TMEM145: variants seen among roughly 807,000 people sequenced by gnomAD.
TMEM145 encodes the protein transmembrane protein 145.
In TMEM145, 46 loss-of-function variants were observed where a neutral mutation model predicts 68.5. The observed-to-expected ratio is 0.67, with a 90% CI of 0.53 to 0.86. The LOEUF is 0.86. Ranked by LOEUF, TMEM145 falls within the 40% of genes least tolerant of loss-of-function variation. The probability of loss-of-function intolerance (pLI) is 0.00; values close to 1 mark genes in which losing one functional copy is unlikely to be tolerated. For missense variants in TMEM145, 570 were observed against 645.8 expected (o/e 0.88, Z 1.27); for synonymous variants, 255 against 280.2 (o/e 0.91, Z 0.90).
intron 12 of TMEM145, 132 bp downstream of exon 12, chr19:42,318,013 G>A (rs748287184): frequency 1.1e-5 from 11 of 990,898 alleles, no homozygotes; most frequent in South Asian, 1.6e-5. Context: ...CCCAGAATCT[G>A]CCACTTACTC....
chr19:42,316,903 G>A lies in TMEM145; in HGVS notation c.840G>A (p.Leu280=), dbSNP rs1472050204. 5.0e-6 allele frequency: 8 copies of A among 1,613,786 alleles called. No individual in the cohort carries two copies. The highest frequency in any genetic ancestry group is 6.8e-6 in the Non-Finnish European group (8 of 1,179,972). The part of the protein sequence containing the change: ...GRISHAGSVK[L]SVYMTLYTLT... Reference sequence around the variant, plus strand: ...TCAGCCACGCGGGCTCCGTGAAGTTGTCTGTCTACATGACCCTGTACACGC... The same window carrying A: ...TCAGCCACGCGGGCTCCGTGAAGTTATCTGTCTACATGACCCTGTACACGC... Residue 280 remains leucine (L), a synonymous_variant, in exon 11 of 15, where the codon TTG becomes TTA. Transcript: ENST00000301204.
intron 11 of TMEM145, 58 bp downstream of exon 11, chr19:42,317,021 C>T: frequency 6.8e-7 from 1 of 1,465,216 alleles, no homozygotes; most frequent in South Asian, 1.2e-5. Flanking sequence ...GCGCCGCCTC[C>T]CCCTTGACCT....
intron 14 of TMEM145, 146 bp from the exon 15 acceptor site, chr19:42,324,591 T>C: frequency 7.4e-7 from 1 of 1,352,368 alleles, no homozygotes; most frequent in African/African-American, 1.6e-5. Context: ...GGACCCCTGC[T>C]TTATCCCGGC....
Position 42,324,905 on chromosome 19 carries a change from G to T in TMEM145, c.*88G>T, listed in dbSNP as rs1226261351. On this transcript the variant is annotated 3_prime_UTR_variant, in exon 15 of 15. Coordinates refer to ENST00000301204, the MANE Select transcript of TMEM145 (RefSeq NM_173633.3). ...TCTGCGACCCCGGGATGGATATTGCGATGCTGGTCTCGACCCTGAAACCCT... is the reference window on the plus strand; with the variant it reads ...TCTGCGACCCCGGGATGGATATTGCTATGCTGGTCTCGACCCTGAAACCCT... The T allele has an allele frequency of 2.9e-6, 4 of 1,366,016 alleles. No individual in the cohort carries two copies. Among genetic ancestry groups the T allele is most frequent in the East Asian group, 3.0e-5 (1 of 33,466 alleles). The allele number at this position is 1,366,016 out of a possible 1,614,324, so 84.6% of individuals were successfully genotyped here. A position where few individuals can be genotyped will look rare whatever the true frequency, so the allele number is the denominator to read the frequency against.
chr19:42,317,072 C>T, intron 11 of TMEM145, 109 bp downstream of exon 11: 7 of 880,984 alleles, frequency 7.9e-6, no homozygotes, highest in Non-Finnish European at 1.3e-5. Context: ...TGCTGGCTCG[C>T]TCTCTCTCCC....
chr19:42,314,153 T>C, intron 1 of TMEM145, 119 bp from the exon 2 acceptor site: 2 of 1,001,342 alleles, frequency 2.0e-6, no homozygotes, highest in Admixed American at 3.5e-5. Context: ...GGTGACCTGG[T>C]CTCCTTCTAG....
intron 13 of TMEM145, among the ~76,000 whole-genome samples, chr19:42,322,514 C>T (rs149568549): frequency 1.5e-4 from 23 of 152,248 alleles, no homozygotes; most frequent in African/African-American, 4.8e-4. Flanking sequence ...ACAGCTCCAC[C>T]TGGGTATCTC....
intron 14 of TMEM145, 86 bp downstream of exon 14, chr19:42,323,875 C>T: frequency 8.1e-7 from 1 of 1,241,708 alleles, no homozygotes. Flanking sequence ...CCGCCGCCCC[C>T]AGCGCCCGGA....
chr19:42,320,753 G>A (rs965527796), intron 13 of TMEM145, among the ~76,000 whole-genome samples: 2 of 151,742 alleles, frequency 1.3e-5, no homozygotes, highest in East Asian at 1.9e-4. Flanking sequence ...TCAGCCTCCC[G>A]AGTAGCTGGG....
In TMEM145 at chr19:42,320,889, A is replaced by G. The variant is rs2038904887; in HGVS notation, c.1194+452A>G. On this transcript the variant is annotated intron_variant, in intron 13 of 14. Coordinates refer to ENST00000301204, the MANE Select transcript of TMEM145 (RefSeq NM_173633.3). ...GGTGATCCACCCGTCTCAGCCTCCC[A>G]AAGTGCTGGGATTACAGGCATGGGC... 2.0e-5 allele frequency among the ~76,000 whole-genome samples: 3 copies of G among 152,010 alleles called. No homozygotes were observed. The South Asian group carries it at 6.2e-4, about 32-fold the overall frequency.
chr19:42,323,665 G>T lies in TMEM145; in HGVS notation c.1277G>T (p.Gly426Val). 6.2e-7 allele frequency: 1 copy of T among 1,614,140 alleles called. No individual in the cohort carries two copies. The highest frequency in any genetic ancestry group is 8.5e-7 in the Non-Finnish European group (1 of 1,180,014). The change falls in exon 14 of 15, where the codon GGA becomes GTA. Residue 426 changes from glycine (G) to valine (V), a missense_variant. By Grantham distance (109) the Gly-to-Val change is moderately radical (BLOSUM62 -3). Coordinates refer to ENST00000301204, the MANE Select transcript of TMEM145 (RefSeq NM_173633.3). ...CAGATCGCTTCAGCCGGAGTCCCTG[G>T]ACCCGGAGGGAGCCAATCCGCTGAC... ...TSQIASAGVP[G>V]PGGSQSADKA...
rs1300908563 is a variant in TMEM145, at chr19:42,316,692, T to C, written c.758T>C (p.Ile253Thr). 1 of 1,613,726 alleles carries C rather than the reference T, an allele frequency of 6.2e-7. No homozygotes were observed. The highest frequency in any genetic ancestry group is 1.7e-5 in the Admixed American group (1 of 60,014). The change falls in exon 10 of 15, where the codon ATC becomes ACC. Residue 253 changes from isoleucine to threonine, a missense_variant. By Grantham distance (89) the Ile-to-Thr change is moderately conservative (BLOSUM62 -1). Transcript: ENST00000301204. The part of the protein sequence containing the change: ...AKLLFSSSFL[I>T]FLLMLILLGK... ...CTGCTCTTCTCCTCCAGCTTCCTCATCTTCCTGCTGATGCTTATCCTCCTG... is the reference window on the plus strand; with the variant it reads ...CTGCTCTTCTCCTCCAGCTTCCTCACCTTCCTGCTGATGCTTATCCTCCTG...
intron 8 of TMEM145, among the ~76,000 whole-genome samples, chr19:42,316,011 CAGAG>C (rs993810897): frequency 6.6e-6 from 1 of 151,892 alleles, no homozygotes; most frequent in African/African-American, 2.4e-5. Flanking sequence ...ACCTGGGTGA[CAGAG>C]AGAGACTCTG....
chr19:42,314,891 G>A (rs771641088), intron 5 of TMEM145, 40 bp downstream of exon 5: 3 of 1,614,044 alleles, frequency 1.9e-6, no homozygotes, highest in Admixed American at 3.3e-5. Context: ...CAGCAAGTGT[G>A]GGGTAAGGGG....
intron 11 of TMEM145, 111 bp downstream of exon 11, chr19:42,317,074 C>G (rs2038866769): frequency 2.4e-6 from 2 of 838,186 alleles, no homozygotes; most frequent in Non-Finnish European, 3.9e-6. Context: ...CTGGCTCGCT[C>G]TCTCTCCCAC....
intron 12 of TMEM145, among the ~76,000 whole-genome samples, chr19:42,319,098 A>AAAAACAACAACAAACAAAAC (rs2038887725): frequency 6.6e-6 from 1 of 152,180 alleles, no homozygotes. Flanking sequence ...ACAAACAAAA[A>AAAAACAACAACAAACAAAAC]ACAACAACAA....
rs558008739 is a variant in TMEM145, at chr19:42,314,507, C to T, written c.252C>T (p.Ala84=). 14 of 1,614,078 alleles carry T rather than the reference C, an allele frequency of 8.7e-6. No individual in the cohort carries two copies. The highest frequency in any genetic ancestry group is 5.5e-5 in the South Asian group (5 of 91,080). The part of the protein sequence containing the change: ...LYFDDPSQWP[A]VYKAGDKDCL... ...TTGATGACCCATCCCAGTGGCCAGC[C>T]GTGTACAAGGCAGGGGACAAGGTGA... The change falls in exon 3 of 15, where the codon GCC becomes GCT. Residue 84 remains alanine, a synonymous_variant. Coordinates refer to ENST00000301204, the MANE Select transcript of TMEM145 (RefSeq NM_173633.3).
chr19:42,323,706 C>G lies in TMEM145; in HGVS notation c.1318C>G (p.His440Asp). 1 of 1,614,178 alleles carries G rather than the reference C, an allele frequency of 6.2e-7. No homozygotes were observed. The highest frequency in any genetic ancestry group is 8.5e-7 in the Non-Finnish European group (1 of 1,180,018). ...ATCCGCTGACAAGGCCTTCCCGCAG[C>G]ACGTCTATGGGAACGTGACGTTTAT... Reference protein sequence around the residue: ...SQSADKAFPQHVYGNVTFISD... With the variant: ...SQSADKAFPQDVYGNVTFISD... The change falls in exon 14 of 15, where the codon CAC (histidine) becomes GAC (aspartate). Residue 440 changes from histidine to aspartate, a missense_variant. Coordinates refer to ENST00000301204, the MANE Select transcript of TMEM145 (RefSeq NM_173633.3).
At chr19:42,319,531 C>T (rs1183264216) in intron 12 of TMEM145, among the ~76,000 whole-genome samples, 1 of 152,116 alleles carries the variant, frequency 6.6e-6, no homozygotes, top group African/African-American at 2.4e-5. Flanking sequence ...ACTGCAACCT[C>T]CGCCTCCTAA....
Sources: gnomAD v4.1 joint callset for allele counts (sites outside exome capture counted in the v4.1 genomes callset) on GRCh38, gnomAD v4.1.1 for gene constraint, MANE v1.5 for transcripts, NCBI Gene and HGNC (gene_info 2026-07-23, HGNC 2026-07-21) for gene names.